The following SDK1 variants were observed in gnomAD, a reference collection of about 807,000 sequenced individuals.
SDK1 encodes the protein protein sidekick-1.
SDK1 carries 157 observed loss-of-function variants against 245.5 expected under a neutral mutation model. That is an observed-to-expected ratio of 0.64 (90% CI 0.56 to 0.73). SDK1 has a LOEUF of 0.73. SDK1 is among the 30% of genes least tolerant of loss of function. SDK1 has a pLI of 0.00. For missense variants in SDK1, 3,583 were observed against 3,002.3 expected, an observed-to-expected ratio of 1.19 and a Z score of -4.52; for synonymous variants, 1,647 against 1,278.5, an observed-to-expected ratio of 1.29 and a Z score of -6.15.
At chr7:3,554,497 TAGAG>T (rs2128624148) in intron 1 of SDK1, among the ~76,000 whole-genome samples, 1 of 151,994 alleles carries the variant, frequency 6.6e-6, no homozygotes, top group African/African-American at 2.4e-5. Flanking sequence ...TGAGGAGAGA[TAGAG>T]AAAGATAGTT....
intron 1 of SDK1, among the ~76,000 whole-genome samples, chr7:3,336,123 G>A (rs772423420): frequency 2.0e-5 from 3 of 152,174 alleles, no homozygotes; most frequent in Admixed American, 6.5e-5. Context: ...GGAAGGGAGG[G>A]TGGTCTAACA....
At chr7:3,924,851 G>A (rs1177668173) in intron 5 of SDK1, among the ~76,000 whole-genome samples, 2 of 152,118 alleles carry the variant, frequency 1.3e-5, no homozygotes, top group African/African-American at 4.8e-5. Context: ...ACAGAGGTGA[G>A]GGGTCTGCTG....
chr7:3,971,367 G>T, intron 11 of SDK1, 99 bp from the exon 12 acceptor site: 1 of 771,114 alleles, frequency 1.3e-6, no homozygotes, highest in South Asian at 1.5e-5. Context: ...GAGAAAACTC[G>T]GAGGTTGTGA....
intron 4 of SDK1, among the ~76,000 whole-genome samples, chr7:3,770,177 T>C (rs369169040): frequency 1.3e-5 from 2 of 152,140 alleles, no homozygotes; most frequent in Non-Finnish European, 2.9e-5. Flanking sequence ...TCTATAATTA[T>C]GTCATTTCAA....
intron 4 of SDK1, among the ~76,000 whole-genome samples, chr7:3,768,672 G>A (rs1269631894): frequency 1.3e-5 from 2 of 152,096 alleles, no homozygotes; most frequent in Non-Finnish European, 2.9e-5. Flanking sequence ...CGTGTGCATC[G>A]GGTACAGCCT....
intron 25 of SDK1, among the ~76,000 whole-genome samples, chr7:4,122,408 T>C (rs549432948): frequency 1.1e-4 from 17 of 152,146 alleles, no homozygotes; most frequent in African/African-American, 3.6e-4. Context: ...GGAGAGAGAA[T>C]AAAACAACTG....
chr7:3,985,369 G>A (rs1036334831), intron 13 of SDK1, among the ~76,000 whole-genome samples: 2 of 152,148 alleles, frequency 1.3e-5, no homozygotes, highest in African/African-American at 4.8e-5. Flanking sequence ...CTTTGGTTTG[G>A]TTTCAGACCA....
At chr7:3,872,526 T>C (rs1368254986) in intron 5 of SDK1, among the ~76,000 whole-genome samples, 2 of 151,930 alleles carry the variant, frequency 1.3e-5, no homozygotes, top group African/African-American at 2.4e-5. Context: ...CCCAAGGAAT[T>C]AGTTCATGTC....
chr7:3,636,614 C>G (rs1231721718), intron 2 of SDK1, among the ~76,000 whole-genome samples: 1 of 152,214 alleles, frequency 6.6e-6, no homozygotes, highest in Non-Finnish European at 1.5e-5. Flanking sequence ...TCAGCAGACT[C>G]CTGGGTTGTT....
At chr7:3,479,055 C>A (rs1281318629) in intron 1 of SDK1, among the ~76,000 whole-genome samples, 19 of 152,094 alleles carry the variant, frequency 1.2e-4, no homozygotes, top group Admixed American at 1.2e-3. Context: ...TTGTTTAGAA[C>A]TTGTTGAGAC....
chr7:3,634,191 G>T (rs1782386388), intron 2 of SDK1, among the ~76,000 whole-genome samples: 1 of 152,102 alleles, frequency 6.6e-6, no homozygotes, highest in South Asian at 2.1e-4. Flanking sequence ...CTCCACAAAA[G>T]CTCATAGGGT....
intron 4 of SDK1, among the ~76,000 whole-genome samples, chr7:3,775,726 G>A (rs1283800571): frequency 3.9e-5 from 6 of 151,934 alleles, no homozygotes; most frequent in East Asian, 1.9e-4. Context: ...ACAGGCGCCC[G>A]CCACCGCACC....
intron 1 of SDK1, among the ~76,000 whole-genome samples, chr7:3,573,966 G>T (rs1415587136): frequency 6.6e-6 from 1 of 151,960 alleles, no homozygotes; most frequent in East Asian, 1.9e-4. Context: ...CTTACTAAAG[G>T]CAGGGCTGTA....
chr7:3,403,212 G>A (rs1019558897), intron 1 of SDK1, among the ~76,000 whole-genome samples: 42 of 152,134 alleles, frequency 2.8e-4, no homozygotes, highest in African/African-American at 8.4e-4. Flanking sequence ...GGGATTACAG[G>A]TGTGAGTCAC....
At chr7:4,020,447 T>C (rs996696762) in intron 17 of SDK1, among the ~76,000 whole-genome samples, 16 of 152,178 alleles carry the variant, frequency 1.1e-4, no homozygotes, top group Admixed American at 4.6e-4. Flanking sequence ...CGTTCCCCTC[T>C]GTGACAGTAC....
chr7:3,461,778 T>A (rs935492773), intron 1 of SDK1, among the ~76,000 whole-genome samples: 36 of 152,184 alleles, frequency 2.4e-4, no homozygotes, highest in African/African-American at 8.4e-4. Context: ...CTGACCTGCA[T>A]TTATCTTCAG....
chr7:3,947,469 T>G (rs1012616226), intron 5 of SDK1, among the ~76,000 whole-genome samples: 1 of 152,014 alleles, frequency 6.6e-6, no homozygotes, highest in African/African-American at 2.4e-5. Flanking sequence ...TATTTCTTTC[T>G]TCTACAGATT....
intron 4 of SDK1, among the ~76,000 whole-genome samples, chr7:3,694,753 C>G (rs1200276751): frequency 6.6e-6 from 1 of 152,054 alleles, no homozygotes. Context: ...AGCCCAGGAA[C>G]CTACGTTTTT....
At chr7:3,767,803 A>C (rs1178965874) in intron 4 of SDK1, among the ~76,000 whole-genome samples, 2 of 152,104 alleles carry the variant, frequency 1.3e-5, no homozygotes, top group Non-Finnish European at 2.9e-5. Flanking sequence ...AAAACAACTT[A>C]GGAATCATTT....
Sources: allele counts gnomAD v4.1 joint callset (sites outside exome capture counted in the v4.1 genomes callset), GRCh38; gene constraint gnomAD v4.1.1; transcripts MANE v1.5; gene names NCBI Gene and HGNC (gene_info 2026-07-23, HGNC 2026-07-21).